Variants in METAP1D observed in about 807,000 individuals in gnomAD.
METAP1D encodes methionyl aminopeptidase type 1D, mitochondrial, also known as methionine aminopeptidase 1D, mitochondrial.
Under a neutral mutation model 40.5 loss-of-function variants are expected in METAP1D, and 31 were observed. That is an observed-to-expected ratio of 0.77 (90% CI 0.58 to 1.03). The LOEUF is 1.03. Among genes scored for constraint, METAP1D ranks in the 50% least tolerant of loss-of-function variants. The pLI is 0.00. For missense variants in METAP1D, 411 were observed against 420.7 expected (o/e 0.98, Z 0.20); for synonymous variants, 151 against 146.4 (o/e 1.03, Z -0.22).
intron 1 of METAP1D, among the ~76,000 whole-genome samples, chr2:172,041,001 T>G (rs1689508450): frequency 1.3e-5 from 2 of 151,598 alleles, no homozygotes; most frequent in East Asian, 2.0e-4. Flanking sequence ...CTCTTGACCT[T>G]GTGATCCGCC....
intron 1 of METAP1D, among the ~76,000 whole-genome samples, chr2:172,059,998 C>G (rs1435846908): frequency 6.6e-6 from 1 of 152,052 alleles, no homozygotes; most frequent in African/African-American, 2.4e-5. Flanking sequence ...TTGCAGTGAG[C>G]CAAGATCGCG....
chr2:172,029,663 A>G (rs1440757669), intron 1 of METAP1D, among the ~76,000 whole-genome samples: 2 of 152,212 alleles, frequency 1.3e-5, no homozygotes, highest in Non-Finnish European at 2.9e-5. Flanking sequence ...GGTGAATGAA[A>G]AAACTATAGC....
rs544391787 is a variant in METAP1D, at chr2:172,039,752, C to G, written c.41-21746C>G. 2.0e-5 allele frequency among the ~76,000 whole-genome samples: 3 copies of G among 150,484 alleles called. No homozygotes were observed. The East Asian group carries it at 5.9e-4, about 30-fold the overall frequency. Reference sequence around the variant, plus strand: ...GCTCCATCTCAGCTCACTGCAACCTCCGCCTCCCGGGTTCTAAAGCAATTC... The same window carrying G: ...GCTCCATCTCAGCTCACTGCAACCTGCGCCTCCCGGGTTCTAAAGCAATTC... On this transcript the variant is annotated intron_variant, in intron 1 of 9. Transcript: ENST00000315796.
chr2:172,071,185 A>G (rs1690415128), intron 6 of METAP1D, 115 bp downstream of exon 6: 4 of 901,308 alleles, frequency 4.4e-6, no homozygotes, highest in Non-Finnish European at 4.5e-6. Context: ...TTTCAGTCTG[A>G]TATCAGTATG....
chr2:172,069,876 A>G (rs771233838), intron 5 of METAP1D, among the ~76,000 whole-genome samples: 20 of 152,204 alleles, frequency 1.3e-4, no homozygotes, highest in Admixed American at 9.8e-4. Context: ...CCTTCACAGA[A>G]TATGAGAGCA....
intron 7 of METAP1D, among the ~76,000 whole-genome samples, chr2:172,078,709 T>G (rs1319417682): frequency 1.3e-5 from 2 of 152,058 alleles, no homozygotes; most frequent in African/African-American, 4.8e-5. Flanking sequence ...CAGGTGAGAG[T>G]GCAGAAACGG....
chr2:172,078,893 G>A (rs1690621684), intron 7 of METAP1D, among the ~76,000 whole-genome samples: 2 of 152,184 alleles, frequency 1.3e-5, no homozygotes, highest in Admixed American at 6.5e-5. Context: ...TAGGCTGGGA[G>A]ACCTAGTAGC....
intron 1 of METAP1D, among the ~76,000 whole-genome samples, chr2:172,006,732 A>G (rs1231743707): frequency 2.6e-5 from 4 of 152,202 alleles, no homozygotes; most frequent in East Asian, 1.9e-4. Flanking sequence ...GAATAGTACA[A>G]TGAACTCCCA....
At chr2:172,055,600 CT>C (rs1689985833) in intron 1 of METAP1D, among the ~76,000 whole-genome samples, 1 of 152,200 alleles carries the variant, frequency 6.6e-6, no homozygotes, top group Non-Finnish European at 1.5e-5. Context: ...TTCATTTCCC[CT>C]GTGAAAACAC....
chr2:172,069,429 A>T (rs1041555611), intron 5 of METAP1D, among the ~76,000 whole-genome samples: 1 of 152,216 alleles, frequency 6.6e-6, no homozygotes. Flanking sequence ...GAAATATAAG[A>T]ATATAAAAAT....
intron 1 of METAP1D, among the ~76,000 whole-genome samples, chr2:172,049,613 T>C (rs1256550771): frequency 7.2e-5 from 11 of 152,148 alleles, no homozygotes; most frequent in Admixed American, 7.2e-4. Flanking sequence ...TGTAAAATTA[T>C]TTGGGCAACA....
intron 1 of METAP1D, among the ~76,000 whole-genome samples, chr2:172,023,211 T>C (rs1689046343): frequency 6.6e-6 from 1 of 152,200 alleles, no homozygotes. Flanking sequence ...TTTGTTTGCT[T>C]GGAAACAGTC....
chr2:172,002,872 A>G (rs571002203), intron 1 of METAP1D, among the ~76,000 whole-genome samples: 1 of 152,002 alleles, frequency 6.6e-6, no homozygotes, highest in African/African-American at 2.4e-5. Context: ...CTTTTTTTTA[A>G]CCTTTTAAAA....
chr2:172,054,348 G>A (rs758770011), intron 1 of METAP1D, among the ~76,000 whole-genome samples: 69 of 151,876 alleles, frequency 4.5e-4, no homozygotes, highest in Non-Finnish European at 7.5e-4. Context: ...GGTGAAACCC[G>A]TCTCTATTAA....
At chr2:172,005,950 C>G (rs1265291019) in intron 1 of METAP1D, among the ~76,000 whole-genome samples, 1 of 151,806 alleles carries the variant, frequency 6.6e-6, no homozygotes, top group African/African-American at 2.4e-5. Flanking sequence ...CATATAGACC[C>G]TCAGTGATGA....
chr2:172,074,264 A>C (rs1690492691), intron 6 of METAP1D, among the ~76,000 whole-genome samples: 1 of 152,210 alleles, frequency 6.6e-6, no homozygotes, highest in Admixed American at 6.5e-5. Flanking sequence ...AAGTATCAAT[A>C]AATGGTTTTT....
intron 1 of METAP1D, among the ~76,000 whole-genome samples, chr2:172,026,714 T>C (rs1689128010): frequency 6.6e-6 from 1 of 152,150 alleles, no homozygotes; most frequent in Non-Finnish European, 1.5e-5. Flanking sequence ...CCCAAATTTG[T>C]TTCTATTTCT....
At chr2:172,073,301 GCATTC>G (rs1690466534) in intron 6 of METAP1D, among the ~76,000 whole-genome samples, 1 of 151,934 alleles carries the variant, frequency 6.6e-6, no homozygotes, top group African/African-American at 2.4e-5. Flanking sequence ...GCAAAGCATA[GCATTC>G]AGTTGGAAAA....
At chr2:172,068,396 AAAAT>A (rs980517630) in intron 5 of METAP1D, among the ~76,000 whole-genome samples, 1 of 152,146 alleles carries the variant, frequency 6.6e-6, no homozygotes, top group Non-Finnish European at 1.5e-5. Flanking sequence ...TCTGTCTCAA[AAAAT>A]AAATAAATAA....
Sources: allele counts gnomAD v4.1 joint callset (sites outside exome capture counted in the v4.1 genomes callset), GRCh38; gene constraint gnomAD v4.1.1; transcripts MANE v1.5; gene names NCBI Gene and HGNC (gene_info 2026-07-23, HGNC 2026-07-21).